Variants in MAST2 observed in about 807,000 individuals in gnomAD.
MAST2 encodes microtubule associated serine/threonine kinase 2.
A neutral mutation model predicts 147.4 loss-of-function variants in MAST2; 70 were observed. The observed-to-expected ratio is 0.47, with a 90% CI of 0.39 to 0.58. The LOEUF is 0.58. MAST2 is among the 20% of genes least tolerant of loss of function. The probability of loss-of-function intolerance (pLI) is 0.00; values close to 1 mark genes in which losing one functional copy is unlikely to be tolerated. For synonymous variants in MAST2, 869 were observed against 896.8 expected (o/e 0.97, Z 0.55); for missense variants, 2,080 against 2,302.3 (o/e 0.90, Z 1.98).
intron 4 of MAST2, among the ~76,000 whole-genome samples, chr1:45,899,686 A>G (rs1649412169): frequency 6.6e-6 from 1 of 151,800 alleles, no homozygotes; most frequent in Admixed American, 6.6e-5. Context: ...TATGTACCAC[A>G]TTTTCTTTAT....
chr1:46,024,989 A>G (rs1646343516), intron 15 of MAST2, among the ~76,000 whole-genome samples: 1 of 152,188 alleles, frequency 6.6e-6, no homozygotes, highest in African/African-American at 2.4e-5. Flanking sequence ...GGCAGCAGAC[A>G]AGAGAGAGCT....
chr1:45,824,618 C>T, intron 2 of MAST2, 38 bp downstream of exon 2: 5 of 1,542,000 alleles, frequency 3.2e-6, no homozygotes, highest in Non-Finnish European at 4.4e-6. Context: ...AAATGTGGGA[C>T]CATGTGGTCA....
intron 1 of MAST2, 93 bp from the exon 2 acceptor site, chr1:45,824,340 T>C: frequency 1.1e-6 from 1 of 919,892 alleles, no homozygotes; most frequent in Non-Finnish European, 1.5e-6. Flanking sequence ...CACTTTTAAA[T>C]TGTAGTGAAT....
chr1:45,962,242 T>C (rs1418109641), intron 5 of MAST2, among the ~76,000 whole-genome samples: 1 of 152,342 alleles, frequency 6.6e-6, no homozygotes, highest in East Asian at 1.9e-4. Flanking sequence ...CAAGTACATG[T>C]GTCTTTATAG....
rs985364718 is a variant in MAST2, at chr1:45,910,858, T to A, written c.500+28463T>A. ...ACAGCCCATAAATGGCGTTCTGATA[T>A]AGTTGCCTCTCTTTTAAAGGACATG... On this transcript the variant is annotated intron_variant, in intron 4 of 28. Coordinates refer to ENST00000361297, the MANE Select transcript of MAST2 (RefSeq NM_015112.3). Among the ~76,000 whole-genome samples, 47 of 152,338 alleles carry A rather than the reference T, an allele frequency of 3.1e-4. 1 individual carries two copies. In the Middle Eastern group the frequency reaches 0.034, roughly 110 times the overall value.
intron 4 of MAST2, among the ~76,000 whole-genome samples, chr1:45,918,900 T>G (rs978076857): frequency 6.6e-6 from 1 of 151,938 alleles, no homozygotes; most frequent in Non-Finnish European, 1.5e-5. Context: ...ATTGCTTGAG[T>G]TCAAGACCAC....
At chr1:45,893,250 G>C (rs1005811562) in intron 4 of MAST2, among the ~76,000 whole-genome samples, 1 of 152,014 alleles carries the variant, frequency 6.6e-6, no homozygotes, top group Admixed American at 6.6e-5. Flanking sequence ...GCCCAGGCTG[G>C]AGTGCAGTGG....
At chr1:45,893,724 A>T (rs985956816) in intron 4 of MAST2, among the ~76,000 whole-genome samples, 5 of 152,194 alleles carry the variant, frequency 3.3e-5, no homozygotes, top group Non-Finnish European at 7.3e-5. Flanking sequence ...TTTTCTATTA[A>T]TCATACAATA....
chr1:45,840,647 A>G (rs961722306), intron 3 of MAST2, among the ~76,000 whole-genome samples: 37 of 152,346 alleles, frequency 2.4e-4, no homozygotes, highest in African/African-American at 8.4e-4. Context: ...AGAGGCAGCC[A>G]AAAGCTACCT....
chr1:45,889,533 A>G (rs1208930657), intron 4 of MAST2, among the ~76,000 whole-genome samples: 2 of 152,136 alleles, frequency 1.3e-5, no homozygotes, highest in African/African-American at 4.8e-5. Flanking sequence ...GACTATCTAT[A>G]CAGTGTGGTT....
chr1:46,028,668 A>C, intron 17 of MAST2, 100 bp from the exon 18 acceptor site: 11 of 1,267,248 alleles, frequency 8.7e-6, no homozygotes, highest in Non-Finnish European at 1.2e-5. Context: ...GTCTTCATTC[A>C]GAGATTCTTC....
rs200777822 is a variant in MAST2, at chr1:46,035,108, C to T, written c.4439C>T (p.Thr1480Ile). Residue 1480 changes from threonine (T) to isoleucine (I), a missense_variant, in exon 29 of 29, where the codon ACC becomes ATC. Physicochemically the swap from Thr to Ile is moderately conservative, Grantham distance 89. Around this residue, in one of 4 missense-constraint regions of MAST2, gnomAD observed 1,278 missense variants for 1,304.2 expected, o/e 0.98. Coordinates refer to ENST00000361297, the MANE Select transcript of MAST2 (RefSeq NM_015112.3). This position sits in a 1 kb window ranked among gnomAD's most constrained non-coding sequence, Gnocchi z 5.5. ...CCTGCTCCCTCACGGGCCCTAGGCA[C>T]CCTCCGGCAGGACCGAGCCGAACGA... ...LQPAPSRALG[T>I]LRQDRAERRE... The T allele has an allele frequency of 7.0e-4, 1,126 of 1,613,594 alleles. 2 individuals are homozygous for T. Among genetic ancestry groups the T allele is most frequent in the Non-Finnish European group, 9.0e-4 (1,065 of 1,179,950 alleles).
At chr1:45,879,944 A>G (rs367901711) in intron 3 of MAST2, among the ~76,000 whole-genome samples, 2 of 152,206 alleles carry the variant, frequency 1.3e-5, no homozygotes, top group Non-Finnish European at 2.9e-5. Flanking sequence ...ACTTTCTTAT[A>G]TTATTAATGT....
In MAST2 at chr1:46,032,718, G is replaced by A. The variant is rs1459800379; in HGVS notation, c.3537G>A (p.Lys1179=). The A allele has an allele frequency of 1.2e-6, 2 of 1,612,292 alleles. No individual in the cohort carries two copies. Among genetic ancestry groups the A allele is most frequent in the Non-Finnish European group, 1.7e-6 (2 of 1,178,858 alleles). ...CGGAGGTGGTAGAGCTGATCCTGAAGGTTAGTGCTGGGCGTGCTGCCTGCA... is the reference window on the plus strand; with the variant it reads ...CGGAGGTGGTAGAGCTGATCCTGAAAGTTAGTGCTGGGCGTGCTGCCTGCA... ...VHTEVVELIL[K]SGNKVAISTT... is the part of the protein sequence containing the mutation. Residue 1179 remains lysine, a splice_region_variant and synonymous_variant, in exon 26 of 29, where the codon AAG becomes AAA. Coordinates refer to ENST00000361297, the MANE Select transcript of MAST2 (RefSeq NM_015112.3).
intron 4 of MAST2, among the ~76,000 whole-genome samples, chr1:45,953,749 T>C (rs1472543218): frequency 6.6e-6 from 1 of 152,182 alleles, no homozygotes. Context: ...ATCAGATGTG[T>C]GCTTTAAAAG....
chr1:45,825,017 C>T (rs919897167), intron 2 of MAST2, among the ~76,000 whole-genome samples: 14 of 152,114 alleles, frequency 9.2e-5, no homozygotes, highest in African/African-American at 3.4e-4. Flanking sequence ...TACATTGTGG[C>T]ATAATTCTTT....
chr1:45,926,758 G>GT (rs370537734), intron 4 of MAST2, among the ~76,000 whole-genome samples: 29 of 147,616 alleles, frequency 2.0e-4, no homozygotes, highest in African/African-American at 7.2e-4. Flanking sequence ...TTTTTTTTTT[G>GT]TTTTTTCATT....
intron 10 of MAST2, among the ~76,000 whole-genome samples, chr1:46,013,385 G>C (rs1645793966): frequency 6.6e-6 from 1 of 152,016 alleles, no homozygotes; most frequent in Non-Finnish European, 1.5e-5. Flanking sequence ...CTTAGCATTT[G>C]AGGAAAGAAA....
chr1:45,940,531 TTTC>T (rs1279802543), intron 4 of MAST2, among the ~76,000 whole-genome samples: 1 of 152,210 alleles, frequency 6.6e-6, no homozygotes, highest in African/African-American at 2.4e-5. Context: ...AACAAAATGT[TTTC>T]TTTGGGAAAA....
Sources: allele counts gnomAD v4.1 joint callset (sites outside exome capture counted in the v4.1 genomes callset), GRCh38; gene constraint gnomAD v4.1.1; regional missense constraint gnomAD v4.1.1; non-coding constraint Gnocchi (gnomAD v3.1); transcripts MANE v1.5; gene names NCBI Gene and HGNC (gene_info 2026-07-23, HGNC 2026-07-21).